NR2C2: variants seen among roughly 807,000 people sequenced by gnomAD.
The protein encoded by NR2C2 is nuclear receptor subfamily 2 group C member 2.
In NR2C2, 6 loss-of-function variants were observed where a neutral mutation model predicts 62.9. The observed-to-expected ratio is 0.10, with a 90% CI of 0.05 to 0.19. The LOEUF (loss-of-function observed/expected upper bound fraction) is 0.19. NR2C2 is among the 10% of genes least tolerant of loss of function. The pLI is 1.00. For missense variants in NR2C2, 479 were observed against 762.7 expected, an observed-to-expected ratio of 0.63 and a Z score of 4.38; for synonymous variants, 272 against 273.8, an observed-to-expected ratio of 0.99 and a Z score of 0.07.
intron 8 of NR2C2, among the ~76,000 whole-genome samples, chr3:15,029,593 A>T (rs990608591): frequency 6.6e-6 from 1 of 152,172 alleles, no homozygotes; most frequent in Non-Finnish European, 1.5e-5. Flanking sequence ...TTATTTAACA[A>T]CTGTAAGCTC....
In NR2C2 at chr3:14,992,413, G is replaced by C. The variant is rs17040628; in HGVS notation, c.-39-11463G>C. On this transcript the variant is annotated intron_variant, in intron 1 of 13. Coordinates refer to ENST00000425241, the MANE Select transcript of NR2C2 (RefSeq NM_001291694.2). ...AGGCACAAGAGTAGAGTAAAGCAAA[G>C]CAAAGTCTAGGCAGAGTCCCAGGAT... Among the ~76,000 whole-genome samples the C allele has an allele frequency of 1.0e-3, 155 of 152,292 alleles. 2 individuals carry two copies. The East Asian group carries it at 0.027, about 27-fold the overall frequency.
chr3:14,961,971 C>T (rs546821221), intron 1 of NR2C2, among the ~76,000 whole-genome samples: 9 of 152,164 alleles, frequency 5.9e-5, no homozygotes, highest in Non-Finnish European at 1.3e-4. Context: ...CACTTTGCCA[C>T]TAGCAAAAGA....
At chr3:14,980,106 T>C (rs772741833) in intron 1 of NR2C2, among the ~76,000 whole-genome samples, 1 of 152,072 alleles carries the variant, frequency 6.6e-6, no homozygotes, top group Non-Finnish European at 1.5e-5. Flanking sequence ...CTTGGTTTTA[T>C]ACCTCATGGG....
intron 9 of NR2C2, among the ~76,000 whole-genome samples, chr3:15,031,955 C>T (rs1301812624): frequency 6.6e-6 from 1 of 152,136 alleles, no homozygotes; most frequent in Non-Finnish European, 1.5e-5. Context: ...TCTCGAACTC[C>T]TGACATCAGG....
intron 1 of NR2C2, among the ~76,000 whole-genome samples, chr3:14,955,159 G>A (rs2039485972): frequency 6.6e-6 from 1 of 152,054 alleles, no homozygotes; most frequent in African/African-American, 2.4e-5. Flanking sequence ...TCTGCGTGTT[G>A]TAGTTAAGTA....
intron 1 of NR2C2, among the ~76,000 whole-genome samples, chr3:14,972,364 A>G (rs1352648795): frequency 1.3e-5 from 2 of 151,748 alleles, no homozygotes; most frequent in African/African-American, 2.4e-5. Context: ...TAGTAGAGAC[A>G]GAGTTTCACC....
chr3:15,003,187 G>A (rs1311555852), intron 1 of NR2C2, among the ~76,000 whole-genome samples: 3 of 151,074 alleles, frequency 2.0e-5, no homozygotes, highest in African/African-American at 4.9e-5. Context: ...CTGACCTCAA[G>A]TGATCTGCCC....
Position 15,008,234 on chromosome 3 carries a change from A to G in NR2C2, c.72+4248A>G, listed in dbSNP as rs1279164014. Reference sequence around the variant, plus strand: ...TTTGTTTGTTTGTTTTTTTTTTTAAATTAGGGGGCTGAGTGCAGTGGCTCA... The same window carrying G: ...TTTGTTTGTTTGTTTTTTTTTTTAAGTTAGGGGGCTGAGTGCAGTGGCTCA... On this transcript the variant is annotated intron_variant, in intron 2 of 13. Transcript: ENST00000425241. Among the ~76,000 whole-genome samples the G allele has an allele frequency of 2.0e-5, 3 of 149,482 alleles. No homozygotes were observed. The East Asian group carries it at 5.8e-4, about 29-fold the overall frequency.
chr3:14,962,535 C>T (rs1355141557), intron 1 of NR2C2: 6 of 151,830 alleles, frequency 4.0e-5, no homozygotes, highest in Admixed American at 6.6e-5. Context: ...CCCTCACTTT[C>T]GAAAGAAAAG....
chr3:15,024,637 A>G (rs2041771709), intron 7 of NR2C2, among the ~76,000 whole-genome samples: 1 of 152,192 alleles, frequency 6.6e-6, no homozygotes, highest in South Asian at 2.1e-4. Context: ...ACTTTGCTAG[A>G]GCAGATCAGT....
At chr3:14,979,975 C>G (rs1194349214) in intron 1 of NR2C2, among the ~76,000 whole-genome samples, 1 of 152,108 alleles carries the variant, frequency 6.6e-6, no homozygotes, top group Non-Finnish European at 1.5e-5. Flanking sequence ...AGACCAAGCT[C>G]TCTTCCTTGA....
intron 1 of NR2C2, among the ~76,000 whole-genome samples, chr3:15,001,136 C>T (rs1412634744): frequency 6.6e-6 from 1 of 151,768 alleles, no homozygotes; most frequent in Non-Finnish European, 1.5e-5. Flanking sequence ...TTAAATTTCT[C>T]ATAGCAATAT....
chr3:14,973,837 C>A (rs945360344), intron 1 of NR2C2, among the ~76,000 whole-genome samples: 2 of 152,024 alleles, frequency 1.3e-5, no homozygotes, highest in South Asian at 4.1e-4. Flanking sequence ...TTTTTAAGTA[C>A]GGATGTTCCT....
intron 1 of NR2C2, among the ~76,000 whole-genome samples, chr3:14,982,990 G>T (rs141612747): frequency 3.9e-5 from 6 of 152,232 alleles, no homozygotes; most frequent in African/African-American, 9.6e-5. Context: ...TGAATACATA[G>T]TAGGTGTATA....
chr3:14,949,576 C>T (rs1245400470), intron 1 of NR2C2, among the ~76,000 whole-genome samples: 3 of 152,188 alleles, frequency 2.0e-5, no homozygotes, highest in Non-Finnish European at 4.4e-5. Context: ...CTGATGAATA[C>T]ATGACTTGGG....
At chr3:14,961,864 A>G (rs942767546) in intron 1 of NR2C2, among the ~76,000 whole-genome samples, 13 of 152,236 alleles carry the variant, frequency 8.5e-5, no homozygotes, top group South Asian at 6.2e-4. Context: ...AGCACTCTTT[A>G]GTAATGCAGT....
intron 8 of NR2C2, among the ~76,000 whole-genome samples, chr3:15,030,047 G>A (rs958459893): frequency 4.6e-5 from 7 of 151,986 alleles, no homozygotes; most frequent in Middle Eastern, 3.4e-3. Context: ...ATTGTTTGCC[G>A]GATGCAGTGG....
chr3:14,983,627 C>G (rs896675828), intron 1 of NR2C2, among the ~76,000 whole-genome samples: 1 of 152,066 alleles, frequency 6.6e-6, no homozygotes, highest in African/African-American at 2.4e-5. Flanking sequence ...TCTCCTCCCT[C>G]CTATAATAAT....
At position 14,952,863 on chromosome 3, in the gene NR2C2, A is replaced by G. The variant is rs118141140; in HGVS notation, c.-40+4957A>G. On this transcript the variant is annotated intron_variant, in intron 1 of 13. Transcript: ENST00000425241. The stretch of plus-strand genomic sequence containing the variant: ...TCAGGTCCTGAGTGCTAGAGAGTAA[A>G]GCAGCAGGAGCTCTATACCAAAAGG... 1.7e-3 allele frequency among the ~76,000 whole-genome samples: 257 copies of G among 152,302 alleles called. 7 individuals are homozygous for G. The East Asian group carries it at 0.047, about 28-fold the overall frequency.
Sources: gnomAD v4.1 joint callset for allele counts (sites outside exome capture counted in the v4.1 genomes callset) on GRCh38, gnomAD v4.1.1 for gene constraint, MANE v1.5 for transcripts, NCBI Gene and HGNC (gene_info 2026-07-23, HGNC 2026-07-21) for gene names.